The following GFPT2 variants were observed in gnomAD, a reference collection of about 807,000 sequenced individuals.
GFPT2 encodes glutamine--fructose-6-phosphate transaminase 2, also known as glutamine--fructose-6-phosphate aminotransferase [isomerizing] 2.
GFPT2 carries 62 observed loss-of-function variants against 85.6 expected under a neutral mutation model. The ratio of observed to expected loss-of-function variants is 0.72; its 90% CI spans 0.59 to 0.90. The LOEUF is 0.90. GFPT2 is among the 40% of genes least tolerant of loss of function. GFPT2 has a pLI of 0.00. For missense variants in GFPT2, 788 were observed against 893.4 expected (o/e 0.88, Z 1.50); for synonymous variants, 368 against 344.5 (o/e 1.07, Z -0.75).
chr5:180,326,119 T>C (rs4529151), intron 7 of GFPT2, among the ~76,000 whole-genome samples: 119,709 of 152,184 alleles, frequency 0.79, 47,443 homozygotes, highest in East Asian at 0.92. Flanking sequence ...TTATAAATTA[T>C]AGCATGCAAA....
intron 12 of GFPT2, 78 bp from the exon 13 acceptor site, chr5:180,316,539 G>T: frequency 6.7e-7 from 1 of 1,482,674 alleles, no homozygotes; most frequent in Non-Finnish European, 9.4e-7. Context: ...GGCTTCTAGG[G>T]ACAGTTTGTG....
chr5:180,309,123 C>T (rs145695144), intron 15 of GFPT2, among the ~76,000 whole-genome samples: 2,755 of 152,148 alleles, frequency 0.018, 58 homozygotes, highest in East Asian at 0.098. Flanking sequence ...CCACCCACCT[C>T]GGCCTCCCAA....
chr5:180,343,918 G>A (rs1026910086), intron 1 of GFPT2, among the ~76,000 whole-genome samples: 5 of 152,354 alleles, frequency 3.3e-5, no homozygotes, highest in Middle Eastern at 3.4e-3. Flanking sequence ...ACACATCTGT[G>A]GACCAGAGCT....
At chr5:180,313,178 G>C (rs191865778) in intron 14 of GFPT2, among the ~76,000 whole-genome samples, 9 of 152,118 alleles carry the variant, frequency 5.9e-5, no homozygotes, top group African/African-American at 9.7e-5. Flanking sequence ...GGGATTCCAG[G>C]GGGGAGCCCC....
At chr5:180,315,991 T>C (rs1763999099) in intron 13 of GFPT2, among the ~76,000 whole-genome samples, 1 of 152,230 alleles carries the variant, frequency 6.6e-6, no homozygotes, top group South Asian at 2.1e-4. Context: ...AAGGAGATGC[T>C]TTTTCTATTA....
chr5:180,318,227 C>T lies in GFPT2; in HGVS notation c.958+566G>A, dbSNP rs1477365647. ...GTGGTGGGGCCAGGCTTTGGCCCCA[C>T]TGGGGTGTGGGGTTTGTGGGCTGTG... is the stretch of plus-strand genomic sequence containing the variant. On this transcript the variant is annotated intron_variant, in intron 10 of 18. Transcript: ENST00000253778. This position sits in a 1 kb window ranked among gnomAD's most constrained non-coding sequence, Gnocchi z 4.2. 2.0e-5 allele frequency among the ~76,000 whole-genome samples: 3 copies of T among 151,932 alleles called. No homozygotes were observed. The highest frequency in any genetic ancestry group is 2.9e-5 in the Non-Finnish European group (2 of 67,948).
chr5:180,304,154 C>T (rs753580104), intron 17 of GFPT2, among the ~76,000 whole-genome samples: 3 of 152,232 alleles, frequency 2.0e-5, no homozygotes, highest in Non-Finnish European at 4.4e-5. Flanking sequence ...ATCCTGAGGA[C>T]ACAAGCTTCA....
chr5:180,320,454 A>T (rs1764097219), intron 9 of GFPT2, among the ~76,000 whole-genome samples: 1 of 152,202 alleles, frequency 6.6e-6, no homozygotes, highest in Non-Finnish European at 1.5e-5. Context: ...ATAAACCATC[A>T]GGTTGGGCTT....
intron 9 of GFPT2, among the ~76,000 whole-genome samples, chr5:180,319,708 G>A (rs137930125): frequency 2.3e-3 from 356 of 152,244 alleles, no homozygotes; most frequent in African/African-American, 7.3e-3. Flanking sequence ...GACATCACCC[G>A]CCTCCTGATG....
intron 4 of GFPT2, among the ~76,000 whole-genome samples, chr5:180,333,692 T>A (rs530774208): frequency 6.6e-6 from 1 of 152,340 alleles, no homozygotes; most frequent in East Asian, 1.9e-4. Flanking sequence ...CGTTCAGACT[T>A]CCTTAAAAGC....
At chr5:180,324,580 G>A (rs926517590) in intron 8 of GFPT2, 2 of 588,474 alleles carry the variant, frequency 3.4e-6, no homozygotes, top group Non-Finnish European at 6.0e-6. Context: ...GCACTTTTGT[G>A]TATGTTTGAC....
chr5:180,345,623 C>T (rs1764591889), intron 1 of GFPT2, among the ~76,000 whole-genome samples: 1 of 152,250 alleles, frequency 6.6e-6, no homozygotes, highest in Non-Finnish European at 1.5e-5. Context: ...TTCTTCGGCT[C>T]CCCGCTGGAT....
intron 1 of GFPT2, among the ~76,000 whole-genome samples, chr5:180,343,664 T>C (rs934296071): frequency 4.6e-5 from 7 of 152,292 alleles, no homozygotes; most frequent in Admixed American, 1.3e-4. Context: ...GCGTTCACGC[T>C]GTGCTCTTAT....
chr5:180,314,303 A>G (rs1763960408), intron 13 of GFPT2, among the ~76,000 whole-genome samples: 1 of 152,160 alleles, frequency 6.6e-6, no homozygotes, highest in African/African-American at 2.4e-5. Context: ...CTTGGCTCCC[A>G]GCGCCCTCTC....
At chr5:180,316,541 C>G in intron 12 of GFPT2, 80 bp from the exon 13 acceptor site, 2 of 1,485,608 alleles carry the variant, frequency 1.3e-6, no homozygotes, top group South Asian at 2.3e-5. Context: ...CTTCTAGGGA[C>G]AGTTTGTGAC....
chr5:180,347,317 C>T (rs911065998), intron 1 of GFPT2, among the ~76,000 whole-genome samples: 1 of 152,244 alleles, frequency 6.6e-6, no homozygotes. Context: ...GCCCAGGTGG[C>T]TTGGAGAAAG....
intron 7 of GFPT2, 94 bp from the exon 8 acceptor site, chr5:180,324,989 C>A: frequency 1.2e-6 from 1 of 822,124 alleles, no homozygotes; most frequent in Non-Finnish European, 2.1e-6. Context: ...CCAAATCTAG[C>A]CCTTTCCCAG....
intron 1 of GFPT2, among the ~76,000 whole-genome samples, chr5:180,345,155 C>T (rs1341685391): frequency 1.3e-5 from 2 of 152,282 alleles, no homozygotes; most frequent in Non-Finnish European, 2.9e-5. Flanking sequence ...GAGAAATTAT[C>T]CCTTGAGAGA....
At position 180,302,534 on chromosome 5, in the gene GFPT2, A is replaced by C; in HGVS notation, c.1893T>G (p.Phe631Leu). The C allele has an allele frequency of 1.9e-6, 3 of 1,614,068 alleles. No homozygotes were observed. The highest frequency in any genetic ancestry group is 2.5e-6 in the Non-Finnish European group (3 of 1,179,928). The change falls in exon 18 of 19, where the codon TTT (phenylalanine) becomes TTG (leucine). Residue 631 changes from phenylalanine to leucine, a missense_variant. Phe to Leu is a conservative substitution (Grantham distance 22). Coordinates refer to ENST00000253778, the MANE Select transcript of GFPT2 (RefSeq NM_005110.4). ...CSKDDTESSK[F>L]AYKTIELPHT... Reference sequence around the variant, plus strand: ...GGGGCAGCTCAATTGTCTTATACGCAAACTTGGAACTTTCAGTATCGTCCT... The same window carrying C: ...GGGGCAGCTCAATTGTCTTATACGCCAACTTGGAACTTTCAGTATCGTCCT...
Sources: allele counts gnomAD v4.1 joint callset (sites outside exome capture counted in the v4.1 genomes callset), GRCh38; gene constraint gnomAD v4.1.1; non-coding constraint Gnocchi (gnomAD v3.1); transcripts MANE v1.5; gene names NCBI Gene and HGNC (gene_info 2026-07-23, HGNC 2026-07-21).